Variants in PTK2B observed in about 807,000 individuals in gnomAD.
PTK2B encodes protein-tyrosine kinase 2-beta.
PTK2B carries 71 observed loss-of-function variants against 142.9 expected under a neutral mutation model. The observed-to-expected ratio is 0.50, with a 90% CI of 0.41 to 0.61. The LOEUF (loss-of-function observed/expected upper bound fraction) is 0.61. Among genes scored for constraint, PTK2B ranks in the 20% least tolerant of loss-of-function variants. PTK2B has a pLI of 0.00. For synonymous variants in PTK2B, 519 were observed against 503.4 expected, an observed-to-expected ratio of 1.03 and a Z score of -0.42; for missense variants, 1,105 against 1,320.4, an observed-to-expected ratio of 0.84 and a Z score of 2.53.
intron 1 of PTK2B, among the ~76,000 whole-genome samples, chr8:27,366,599 T>C (rs1806031664): frequency 6.6e-6 from 1 of 152,234 alleles, no homozygotes; most frequent in South Asian, 2.1e-4. Flanking sequence ...ACTTGGCGTC[T>C]AGCTCCCAGG....
chr8:27,390,395 G>T (rs1807641729), intron 1 of PTK2B, among the ~76,000 whole-genome samples: 1 of 152,178 alleles, frequency 6.6e-6, no homozygotes, highest in African/African-American at 2.4e-5. Context: ...AGCACTTTGG[G>T]AGGTTGAGGA....
intron 8 of PTK2B, 145 bp downstream of exon 8, chr8:27,431,161 G>A (rs1810394311): frequency 3.4e-6 from 5 of 1,480,226 alleles, no homozygotes; most frequent in Admixed American, 4.3e-5. Context: ...GTCGGTGGAA[G>A]TCAAAAGCAT....
intron 2 of PTK2B, among the ~76,000 whole-genome samples, chr8:27,400,867 C>T (rs1217061828): frequency 6.6e-6 from 1 of 152,174 alleles, no homozygotes; most frequent in Non-Finnish European, 1.5e-5. Context: ...CAATGGATGC[C>T]ATGCAAATGG....
chr8:27,420,704 T>C lies in PTK2B; in HGVS notation c.431T>C (p.Leu144Pro), dbSNP rs1354776280. 4 of 1,614,022 alleles carry C rather than the reference T, an allele frequency of 2.5e-6. No homozygotes were observed. The highest frequency in any genetic ancestry group is 1.1e-5 in the South Asian group (1 of 91,088). ...RYLPEDFMES[L>P]KEDRTTLLYF... Reference sequence around the variant, plus strand: ...TTGCCAGAAGACTTCATGGAGAGCCTGAAGGAGGACAGGACCACGCTGCTC... The same window carrying C: ...TTGCCAGAAGACTTCATGGAGAGCCCGAAGGAGGACAGGACCACGCTGCTC... The change falls in exon 4 of 31, where the codon CTG (leucine) becomes CCG (proline). Residue 144 changes from leucine (L) to proline (P), a missense_variant. Physicochemically the swap from Leu to Pro is moderately conservative, Grantham distance 98 (BLOSUM62 -3). Transcript: ENST00000346049.
intron 23 of PTK2B, among the ~76,000 whole-genome samples, chr8:27,445,040 C>T (rs1046991438): frequency 1.3e-5 from 2 of 151,788 alleles, no homozygotes; most frequent in Non-Finnish European, 2.9e-5. Flanking sequence ...ATGGAAAAAT[C>T]GTTCTGAAAA....
intron 1 of PTK2B, among the ~76,000 whole-genome samples, chr8:27,376,986 C>T (rs959955220): frequency 6.6e-6 from 1 of 152,100 alleles, no homozygotes; most frequent in Non-Finnish European, 1.5e-5. Flanking sequence ...GGGTCTGGAT[C>T]GGGACCCCTT....
At chr8:27,458,210 G>A (rs1812269343) in intron 30 of PTK2B, 84 bp from the exon 31 acceptor site, 12 of 1,375,966 alleles carry the variant, frequency 8.7e-6, no homozygotes, top group Admixed American at 5.9e-5. Flanking sequence ...TGGCCAGCAT[G>A]CAGGTGGACA....
chr8:27,439,641 CAT>C (rs998271290), intron 20 of PTK2B, among the ~76,000 whole-genome samples: 150 of 152,208 alleles, frequency 9.9e-4, no homozygotes, highest in African/African-American at 3.6e-3. Context: ...GCTCTTGTGA[CAT>C]GTGTGCTCCA....
At chr8:27,425,990 C>T (rs1180542921) in intron 5 of PTK2B, among the ~76,000 whole-genome samples, 1 of 152,062 alleles carries the variant, frequency 6.6e-6, no homozygotes, top group African/African-American at 2.4e-5. Context: ...CAGTACCTGC[C>T]CAGTTTGAGG....
At chr8:27,419,761 T>C (rs1654866815) in intron 2 of PTK2B, 134 bp from the exon 3 acceptor site, 1 of 933,920 alleles carries the variant, frequency 1.1e-6, no homozygotes, top group Non-Finnish European at 1.6e-6. Flanking sequence ...CCCTAAATGC[T>C]AGAGAATCAG....
chr8:27,376,375 TA>T (rs892951531), intron 1 of PTK2B, among the ~76,000 whole-genome samples: 2 of 152,224 alleles, frequency 1.3e-5, no homozygotes, highest in African/African-American at 4.8e-5. Flanking sequence ...AGGTTGGGAC[TA>T]AAATGTGTCT....
At chr8:27,449,729 C>A (rs564084473) in intron 24 of PTK2B, among the ~76,000 whole-genome samples, 2 of 152,200 alleles carry the variant, frequency 1.3e-5, no homozygotes. Flanking sequence ...TTTAGAGACA[C>A]TGAGCAGATA....
At chr8:27,402,057 G>A (rs1342383227) in intron 2 of PTK2B, among the ~76,000 whole-genome samples, 1 of 152,162 alleles carries the variant, frequency 6.6e-6, no homozygotes, top group African/African-American at 2.4e-5. Flanking sequence ...TCATATATAA[G>A]GAAACTAAGC....
upstream of PTK2B, chr8:27,310,675 C>T: frequency 8.8e-7 from 1 of 1,138,704 alleles, no homozygotes. Flanking sequence ...AGGTGGGGTC[C>T]TGCATGCTGG....
rs1183781657 is a variant in PTK2B at position 27,437,765 on chromosome 8, C to G, written c.1528C>G (p.Leu510Val). Residue 510 changes from leucine to valine, a missense_variant and splice_region_variant, in exon 18 of 31, where the codon CTG becomes GTG. Physicochemically the swap from Leu to Val is conservative, Grantham distance 32. Transcript: ENST00000346049. Reference protein sequence around the residue: ...IIMELYPYGELGHYLERNKNS... With the variant: ...IIMELYPYGEVGHYLERNKNS... ...TGATGGCACCTCCCCATTCCTGCAG[C>G]TGGGCCACTACCTGGAGCGGAACAA... is the stretch of plus-strand genomic sequence containing the variant. 1.2e-6 allele frequency: 2 copies of G among 1,608,894 alleles called. No homozygotes were observed. Among genetic ancestry groups the G allele is most frequent in the Admixed American group, 3.4e-5 (2 of 59,254 alleles).
intron 1 of PTK2B, among the ~76,000 whole-genome samples, chr8:27,376,344 T>G (rs1156482468): frequency 6.6e-6 from 1 of 152,216 alleles, no homozygotes; most frequent in Non-Finnish European, 1.5e-5. Flanking sequence ...CTTGTCCAAA[T>G]TGATTCCTGT....
intron 1 of PTK2B, among the ~76,000 whole-genome samples, chr8:27,327,777 G>A (rs933419590): frequency 2.0e-5 from 3 of 152,204 alleles, no homozygotes; most frequent in African/African-American, 7.2e-5. Context: ...CATGTAGACC[G>A]GTGAGCTTCT....
intron 23 of PTK2B, among the ~76,000 whole-genome samples, chr8:27,445,060 A>C (rs1416898184): frequency 6.6e-6 from 1 of 152,192 alleles, no homozygotes; most frequent in Non-Finnish European, 1.5e-5. Flanking sequence ...AAAAAGAGAT[A>C]TACCCATGTG....
intron 1 of PTK2B, among the ~76,000 whole-genome samples, chr8:27,327,118 T>C (rs887853179): frequency 6.6e-6 from 1 of 152,098 alleles, no homozygotes; most frequent in Non-Finnish European, 1.5e-5. Flanking sequence ...GTGCAGAGAC[T>C]GGAGGCTAAA....
Sources: allele counts gnomAD v4.1 joint callset (sites outside exome capture counted in the v4.1 genomes callset), GRCh38; gene constraint gnomAD v4.1.1; transcripts MANE v1.5; gene names NCBI Gene and HGNC (gene_info 2026-07-23, HGNC 2026-07-21).